FHIT: variants seen among roughly 807,000 people sequenced by gnomAD.
The protein encoded by FHIT is fragile histidine triad diadenosine triphosphatase.
Under a neutral mutation model 17.9 loss-of-function variants are expected in FHIT, and 19 were observed. The observed-to-expected ratio is 1.06, with a 90% confidence interval of 0.74 to 1.56. The LOEUF is 1.56. Among genes scored for constraint, FHIT ranks in the 40% most tolerant of loss-of-function variants. The pLI, the probability that FHIT is intolerant of heterozygous loss-of-function variation, is 0.00. For synonymous variants in FHIT, 81 were observed against 69.7 expected, an observed-to-expected ratio of 1.16 and a Z score of -0.81; for missense variants, 248 against 189.2, an observed-to-expected ratio of 1.31 and a Z score of -1.82.
intron 5 of FHIT, among the ~76,000 whole-genome samples, chr3:60,533,963 G>A (rs2035882627): frequency 6.6e-6 from 1 of 152,120 alleles, no homozygotes; most frequent in Non-Finnish European, 1.5e-5. Flanking sequence ...CACACCTAAG[G>A]GCTAGACTAG....
chr3:60,620,303 C>T (rs2039084013), intron 4 of FHIT, among the ~76,000 whole-genome samples: 4 of 152,052 alleles, frequency 2.6e-5, no homozygotes. Flanking sequence ...TGGTATTTAC[C>T]CAAAGTAGTT....
intron 5 of FHIT, among the ~76,000 whole-genome samples, chr3:60,223,724 G>A (rs1704063812): frequency 6.6e-6 from 1 of 152,106 alleles, no homozygotes; most frequent in Non-Finnish European, 1.5e-5. Flanking sequence ...ACATACAGGT[G>A]CTAATTGCTT....
chr3:60,726,755 A>G (rs531574546), intron 4 of FHIT, among the ~76,000 whole-genome samples: 2 of 152,322 alleles, frequency 1.3e-5, no homozygotes, highest in East Asian at 3.9e-4. Flanking sequence ...AGTAAGTACT[A>G]TTATTATTCC....
intron 5 of FHIT, among the ~76,000 whole-genome samples, chr3:60,343,076 T>A (rs1378027510): frequency 1.3e-5 from 2 of 152,188 alleles, no homozygotes; most frequent in Non-Finnish European, 2.9e-5. Context: ...TTTTTGCATA[T>A]CCTGGTTTTT....
chr3:61,166,593 T>C (rs2037845391), intron 2 of FHIT, among the ~76,000 whole-genome samples: 1 of 152,256 alleles, frequency 6.6e-6, no homozygotes, highest in African/African-American at 2.4e-5. Context: ...GTTTGTTTGA[T>C]TTTTAATACA....
intron 3 of FHIT, among the ~76,000 whole-genome samples, chr3:60,944,394 C>T (rs1028152478): frequency 6.6e-6 from 1 of 152,032 alleles, no homozygotes; most frequent in Admixed American, 6.6e-5. Context: ...CAAACAATCA[C>T]TTTAAATGAC....
At chr3:61,202,802 A>C (rs1481557063) in intron 1 of FHIT, among the ~76,000 whole-genome samples, 1 of 152,170 alleles carries the variant, frequency 6.6e-6, no homozygotes, top group African/African-American at 2.4e-5. Context: ...CTGTAATCCC[A>C]GCACTTTGGG....
Position 61,049,286 on chromosome 3 carries a change from A to T in FHIT, c.-163-7187T>A, listed in dbSNP as rs541755081. Reference sequence around the variant, plus strand: ...CATTCATTCATTAATTAAAAATTAAAATATGATAAACAATTAATTTCCTGC... The same window carrying T: ...CATTCATTCATTAATTAAAAATTAATATATGATAAACAATTAATTTCCTGC... On this transcript the variant is annotated intron_variant, in intron 2 of 9. Coordinates refer to ENST00000492590, the MANE Select transcript of FHIT (RefSeq NM_002012.4). 2.4e-3 allele frequency among the ~76,000 whole-genome samples: 368 copies of T among 151,834 alleles called. 3 individuals carry two copies. Among genetic ancestry groups the T allele is most frequent in the African/African-American group, 8.2e-3 (340 of 41,460 alleles).
chr3:59,822,844 C>T (rs993307894), intron 8 of FHIT, among the ~76,000 whole-genome samples: 1 of 152,088 alleles, frequency 6.6e-6, no homozygotes, highest in East Asian at 1.9e-4. Flanking sequence ...GTTGCATTTG[C>T]TTTTGGGTTC....
intron 5 of FHIT, among the ~76,000 whole-genome samples, chr3:60,331,274 T>C (rs1576487529): frequency 6.6e-6 from 1 of 152,114 alleles, no homozygotes; most frequent in Non-Finnish European, 1.5e-5. Context: ...CAGTGCCCTT[T>C]CCTGATTTTT....
chr3:61,229,917 C>T (rs538518296), intron 1 of FHIT, among the ~76,000 whole-genome samples: 1 of 152,066 alleles, frequency 6.6e-6, no homozygotes, highest in Non-Finnish European at 1.5e-5. Context: ...CATCCACTAG[C>T]CTTCCTTCTA....
rs188193921 is a variant in FHIT at position 60,241,338 on chromosome 3, G to C, written c.104-227186C>G. Among the ~76,000 whole-genome samples the C allele has an allele frequency of 9.3e-4, 142 of 152,168 alleles. 1 individual carries two copies. The highest frequency in any genetic ancestry group is 3.4e-3 in the African/African-American group (141 of 41,524). On this transcript the variant is annotated intron_variant, in intron 5 of 9. Transcript: ENST00000492590. ...ATTGGATGTACAGACCCATTCTAAA[G>C]AGCATTCCTTCTCCCCCATGTTTTA...
At chr3:60,328,324 A>T (rs1288017962) in intron 5 of FHIT, among the ~76,000 whole-genome samples, 2 of 152,234 alleles carry the variant, frequency 1.3e-5, no homozygotes, top group African/African-American at 4.8e-5. Context: ...TGCTATGAAG[A>T]AACACCTGAG....
intron 5 of FHIT, among the ~76,000 whole-genome samples, chr3:60,432,916 TC>T (rs1249023504): frequency 1.2e-4 from 3 of 25,586 alleles, no homozygotes; most frequent in African/African-American, 1.9e-4. Context: ...AGAAGAATTG[TC>T]TTTTTTTTTT....
intron 5 of FHIT, among the ~76,000 whole-genome samples, chr3:60,353,279 C>T (rs185090456): frequency 1.3e-5 from 2 of 152,210 alleles, no homozygotes; most frequent in Admixed American, 1.3e-4. Flanking sequence ...AAGTGGGGTG[C>T]TGCTTCTCTT....
chr3:60,059,463 T>A (rs974433590), intron 5 of FHIT, among the ~76,000 whole-genome samples: 2 of 152,070 alleles, frequency 1.3e-5, no homozygotes, highest in Non-Finnish European at 2.9e-5. Context: ...CAACAACATA[T>A]AAAACCCACG....
At chr3:60,748,360 A>G (rs1331791381) in intron 4 of FHIT, among the ~76,000 whole-genome samples, 2 of 152,196 alleles carry the variant, frequency 1.3e-5, no homozygotes. Flanking sequence ...GTAACTCAAT[A>G]AATGGTTAAA....
chr3:60,968,986 AT>A (rs916716650), intron 3 of FHIT, among the ~76,000 whole-genome samples: 6 of 151,076 alleles, frequency 4.0e-5, no homozygotes, highest in Non-Finnish European at 5.9e-5. Context: ...TTTGGCTAGG[AT>A]TTTTTTTTCA....
chr3:60,370,868 G>T (rs1371211793), intron 5 of FHIT, among the ~76,000 whole-genome samples: 1 of 152,180 alleles, frequency 6.6e-6, no homozygotes, highest in Non-Finnish European at 1.5e-5. Flanking sequence ...GTTTTAAAAT[G>T]TACTAAGTAT....
Sources: allele counts gnomAD v4.1 joint callset (sites outside exome capture counted in the v4.1 genomes callset), GRCh38; gene constraint gnomAD v4.1.1; transcripts MANE v1.5; gene names NCBI Gene and HGNC (gene_info 2026-07-23, HGNC 2026-07-21).